Variants in UBR1 observed in about 807,000 individuals in gnomAD.
UBR1 encodes the protein ubiquitin protein ligase E3 component n-recognin 1, also known as E3 ubiquitin-protein ligase UBR1.
In UBR1, 102 loss-of-function variants were observed where a neutral mutation model predicts 242.1. The ratio of observed to expected loss-of-function variants is 0.42; its 90% CI spans 0.36 to 0.50. The LOEUF (loss-of-function observed/expected upper bound fraction) is 0.50. Among genes scored for constraint, UBR1 ranks in the 20% least tolerant of loss-of-function variants. The pLI is 0.01. For synonymous variants in UBR1, 675 were observed against 684.8 expected, an observed-to-expected ratio of 0.99 and a Z score of 0.22; for missense variants, 1,772 against 2,101.8, an observed-to-expected ratio of 0.84 and a Z score of 3.07.
intron 3 of UBR1, among the ~76,000 whole-genome samples, chr15:43,081,743 T>A (rs2033977255): frequency 6.6e-6 from 1 of 152,090 alleles, no homozygotes; most frequent in Non-Finnish European, 1.5e-5. Context: ...TTTGGCAAAG[T>A]TTTTTTGCTC....
chr15:43,074,388 T>G (rs1406864216), intron 4 of UBR1, among the ~76,000 whole-genome samples: 1 of 152,200 alleles, frequency 6.6e-6, no homozygotes, highest in Non-Finnish European at 1.5e-5. Flanking sequence ...TACTCTTATC[T>G]ATTAATAATT....
chr15:43,020,272 C>A (rs952249260), intron 27 of UBR1, among the ~76,000 whole-genome samples: 1 of 151,394 alleles, frequency 6.6e-6, no homozygotes, highest in African/African-American at 2.4e-5. Flanking sequence ...AACTCCTGAC[C>A]TCAGGTGATC....
At chr15:43,023,350 C>A (rs778562740) in intron 25 of UBR1, among the ~76,000 whole-genome samples, 3 of 151,770 alleles carry the variant, frequency 2.0e-5, no homozygotes, top group African/African-American at 2.4e-5. Context: ...CCAGCACTTT[C>A]GGAGGTTTGG....
chr15:42,973,012 G>C (rs145418725), intron 39 of UBR1, among the ~76,000 whole-genome samples: 489 of 152,284 alleles, frequency 3.2e-3, no homozygotes, highest in African/African-American at 0.011. Flanking sequence ...GCATTTGGTG[G>C]TGTCAGTGTT....
intron 1 of UBR1, among the ~76,000 whole-genome samples, chr15:43,093,049 T>A (rs1347618462): frequency 1.3e-5 from 2 of 151,730 alleles, no homozygotes; most frequent in Non-Finnish European, 2.9e-5. Flanking sequence ...AAAAAAAAAA[T>A]AACTGTTTGA....
rs375821662 is a variant in UBR1, at chr15:42,976,699, C to T, written c.4369+18G>A. The T allele has an allele frequency of 8.2e-5, 132 of 1,613,876 alleles. No homozygotes were observed. In the African/African-American group the frequency reaches 1.6e-3, roughly 19 times the overall value. Reference sequence around the variant, plus strand: ...GGCAAAATGTTATTCACAGTCAACACCCAGATGAAAACCTTACCTGTGTCT... The same window carrying T: ...GGCAAAATGTTATTCACAGTCAACATCCAGATGAAAACCTTACCTGTGTCT... On this transcript the variant is annotated intron_variant, in intron 39 of 46. Transcript: ENST00000290650.
rs766456697 is a variant in UBR1 at position 43,022,684 on chromosome 15, A to G, written c.2839+18T>C. 3 of 1,529,508 alleles carry G rather than the reference A, an allele frequency of 2.0e-6. No individual in the cohort carries two copies. In the Admixed American group the frequency reaches 5.0e-5, roughly 26 times the overall value. The allele number at this position is 1,529,508 out of a possible 1,614,324, so 94.7% of individuals were successfully genotyped here. The stretch of plus-strand genomic sequence containing the variant: ...ACTTTCAATGACAAATGTGTTGAAG[A>G]GTGATACTCAAACATACTTGAAGCC... On this transcript the variant is annotated intron_variant, in intron 26 of 46. Transcript: ENST00000290650.
At chr15:42,984,820 A>T in intron 36 of UBR1, 67 bp downstream of exon 36, 1 of 1,401,090 alleles carries the variant, frequency 7.1e-7, no homozygotes, top group Non-Finnish European at 1.0e-6. Context: ...TTTGTTTTTA[A>T]TAATAAACTG....
At chr15:42,972,802 T>C (rs1327824592) in intron 39 of UBR1, among the ~76,000 whole-genome samples, 1 of 152,274 alleles carries the variant, frequency 6.6e-6, no homozygotes, top group Non-Finnish European at 1.5e-5. Context: ...AAAGCTGCTA[T>C]AAACATCCTT....
intron 1 of UBR1, among the ~76,000 whole-genome samples, chr15:43,089,027 T>C (rs998720784): frequency 2.6e-5 from 4 of 151,550 alleles, no homozygotes; most frequent in Middle Eastern, 3.2e-3. Flanking sequence ...CCAGGCATGA[T>C]GGCATGCACC....
At chr15:43,011,351 G>A (rs2032920798) in intron 29 of UBR1, among the ~76,000 whole-genome samples, 1 of 152,240 alleles carries the variant, frequency 6.6e-6, no homozygotes, top group South Asian at 2.1e-4. Context: ...CATAATTAAT[G>A]TTAAAGAAAC....
intron 12 of UBR1, 137 bp downstream of exon 12, chr15:43,054,605 T>C (rs1462536627): frequency 1.0e-6 from 1 of 962,536 alleles, no homozygotes; most frequent in Non-Finnish European, 1.7e-6. Flanking sequence ...CGCGAGGCAG[T>C]AACAGTTCTT....
At chr15:43,095,808 C>T (rs1381045478) in intron 1 of UBR1, among the ~76,000 whole-genome samples, 1 of 152,184 alleles carries the variant, frequency 6.6e-6, no homozygotes, top group Non-Finnish European at 1.5e-5. Context: ...CAAGGGAACT[C>T]CGAGGTAACC....
chr15:43,034,245 TAAA>T, intron 19 of UBR1, among the ~76,000 whole-genome samples: 1 of 50,950 alleles, frequency 2.0e-5, no homozygotes, highest in East Asian at 4.8e-4. Flanking sequence ...CAAAAATAAA[TAAA>T]TAAATAAATA....
chr15:42,981,244 T>TA lies in UBR1; in HGVS notation c.4150+2652dup, dbSNP rs201435915. 6.0e-3 allele frequency among the ~76,000 whole-genome samples: 913 copies of TA among 152,120 alleles called. 10 individuals are homozygous for TA. Among genetic ancestry groups the TA allele is most frequent in the African/African-American group, 0.021 (855 of 41,516 alleles). Reference sequence around the variant, plus strand: ...GGCATTTAAGCCACTGTAATTTTATTAAAAAAAACCTTCATGCTTTTCTAA... The same window carrying TA: ...GGCATTTAAGCCACTGTAATTTTATTAAAAAAAAACCTTCATGCTTTTCTAA... On this transcript the variant is annotated intron_variant, in intron 37 of 46. Coordinates refer to ENST00000290650, the MANE Select transcript of UBR1 (RefSeq NM_174916.3).
At chr15:43,040,530 T>A (rs1451250230) in intron 15 of UBR1, among the ~76,000 whole-genome samples, 2 of 152,156 alleles carry the variant, frequency 1.3e-5, no homozygotes, top group Admixed American at 1.3e-4. Context: ...ATTCAGGACA[T>A]AGGCATGGGC....
At chr15:43,082,535 A>G (rs542302250) in intron 3 of UBR1, 103 bp downstream of exon 3, 3 of 867,080 alleles carry the variant, frequency 3.5e-6, no homozygotes, top group Non-Finnish European at 5.8e-6. Context: ...CTATGTTCAC[A>G]TATCAGAGCT....
intron 41 of UBR1, among the ~76,000 whole-genome samples, chr15:42,964,990 G>A (rs1262020436): frequency 6.6e-6 from 1 of 152,032 alleles, no homozygotes; most frequent in Non-Finnish European, 1.5e-5. Flanking sequence ...TTCTCTATTT[G>A]TTTATAATTG....
chr15:43,005,704 A>T (rs1299493787), intron 30 of UBR1, among the ~76,000 whole-genome samples: 1 of 152,218 alleles, frequency 6.6e-6, no homozygotes, highest in East Asian at 1.9e-4. Context: ...TCTGTGTAGA[A>T]AGAAGTAGAC....
Sources: allele counts gnomAD v4.1 joint callset (sites outside exome capture counted in the v4.1 genomes callset), GRCh38; gene constraint gnomAD v4.1.1; transcripts MANE v1.5; gene names NCBI Gene and HGNC (gene_info 2026-07-23, HGNC 2026-07-21).